FAM149B1: variants seen among roughly 807,000 people sequenced by gnomAD.
FAM149B1 encodes the protein family with sequence similarity 149 member B1, also known as primary cilium assembly protein FAM149B1.
Under a neutral mutation model 75.3 loss-of-function variants are expected in FAM149B1, and 56 were observed. The observed-to-expected ratio is 0.74, with a 90% CI of 0.60 to 0.93. FAM149B1 has a LOEUF of 0.93. Among genes scored for constraint, FAM149B1 ranks in the 40% least tolerant of loss-of-function variants. The pLI is 0.00. For missense variants in FAM149B1, 639 were observed against 708.4 expected, an observed-to-expected ratio of 0.90 and a Z score of 1.11; for synonymous variants, 259 against 256.1, an observed-to-expected ratio of 1.01 and a Z score of -0.11.
intron 7 of FAM149B1, among the ~76,000 whole-genome samples, chr10:73,220,282 A>G (rs575571950): frequency 6.2e-4 from 95 of 152,300 alleles, no homozygotes; most frequent in Non-Finnish European, 1.0e-3. Context: ...AAGTGTTAGT[A>G]AAGATACAGA....
intron 5 of FAM149B1, among the ~76,000 whole-genome samples, chr10:73,205,176 C>G (rs562934731): frequency 1.3e-5 from 2 of 151,724 alleles, no homozygotes; most frequent in East Asian, 3.9e-4. Flanking sequence ...TTGTCCTTGC[C>G]TAAATCTCAT....
At chr10:73,195,410 T>TA (rs147266643) in intron 5 of FAM149B1, among the ~76,000 whole-genome samples, 1 of 152,328 alleles carries the variant, frequency 6.6e-6, no homozygotes, top group African/African-American at 2.4e-5. Context: ...TCGATAAGTT[T>TA]ACTCCTTTTA....
chr10:73,206,326 G>A (rs1240932881), intron 5 of FAM149B1, among the ~76,000 whole-genome samples: 1 of 152,172 alleles, frequency 6.6e-6, no homozygotes, highest in South Asian at 2.1e-4. Context: ...TGGGAGCAAA[G>A]AAATGACTTA....
At chr10:73,198,541 ATG>A (rs2042858921) in intron 5 of FAM149B1, among the ~76,000 whole-genome samples, 1 of 152,200 alleles carries the variant, frequency 6.6e-6, no homozygotes, top group African/African-American at 2.4e-5. Context: ...GTGGTGGCTC[ATG>A]CCTGTAATCC....
intron 12 of FAM149B1, among the ~76,000 whole-genome samples, chr10:73,236,729 T>TC (rs1019128268): frequency 1.3e-5 from 2 of 150,332 alleles, no homozygotes; most frequent in African/African-American, 4.9e-5. Context: ...TCTTTTCTTT[T>TC]TTTTTTTTTT....
intron 7 of FAM149B1, among the ~76,000 whole-genome samples, chr10:73,215,900 G>A (rs146909956): frequency 5.9e-4 from 90 of 152,298 alleles, no homozygotes; most frequent in Middle Eastern, 3.4e-3. Flanking sequence ...TGAGTAGACC[G>A]TTCTGTAAAT....
intron 3 of FAM149B1, among the ~76,000 whole-genome samples, chr10:73,186,189 T>C (rs986918226): frequency 6.6e-6 from 1 of 151,988 alleles, no homozygotes; most frequent in African/African-American, 2.4e-5. Flanking sequence ...GAAAAACAAC[T>C]AATTTAATAC....
chr10:73,229,384 G>C (rs1168751639), intron 8 of FAM149B1, among the ~76,000 whole-genome samples: 2 of 152,170 alleles, frequency 1.3e-5, no homozygotes, highest in Non-Finnish European at 2.9e-5. Context: ...AGACCAGCCT[G>C]GCCAATTTGG....
At chr10:73,206,390 G>T (rs2043056296) in intron 5 of FAM149B1, among the ~76,000 whole-genome samples, 2 of 152,198 alleles carry the variant, frequency 1.3e-5, no homozygotes, top group South Asian at 2.1e-4. Context: ...TGGAAAATTT[G>T]CAGCCTAGCC....
Position 73,192,610 on chromosome 10 carries a change from G to A in FAM149B1, c.337G>A (p.Glu113Lys). The A allele has an allele frequency of 6.4e-7, 1 of 1,551,940 alleles. No individual in the cohort carries two copies. Among genetic ancestry groups the A allele is most frequent in the South Asian group, 1.2e-5 (1 of 83,994 alleles). ...CCAGACAATGTTCACAGCCATTGAT[G>A]AACTCTTGTATGAGCAGAAGTTGAG... ...KVQTMFTAID[E>K]LLYEQKLSVH... Residue 113 changes from glutamate (E) to lysine (K), a missense_variant, in exon 4 of 14, where the codon GAA becomes AAA. Glu to Lys is a moderately conservative substitution (Grantham distance 56). Transcript: ENST00000242505.
rs539873337 is a variant in FAM149B1 at position 73,240,851 on chromosome 10, A to C, written c.1676-95A>C. 69 of 743,318 alleles carry C rather than the reference A, an allele frequency of 9.3e-5. No homozygotes were observed. The African/African-American group carries it at 1.1e-3, about 12-fold the overall frequency. 46.0% of individuals were successfully genotyped at this position (743,318 alleles called of 1,614,324 possible). A position where few individuals can be genotyped will look rare whatever the true frequency, so the allele number is the denominator to read the frequency against. ...TGCTTTCATACCTTAAGAAAGTCCAATTCATAATTGGAGCAAAAAAGCCCT... is the reference window on the plus strand; with the variant it reads ...TGCTTTCATACCTTAAGAAAGTCCACTTCATAATTGGAGCAAAAAAGCCCT... On this transcript the variant is annotated intron_variant, in intron 13 of 13. Transcript: ENST00000242505.
At chr10:73,193,204 T>C (rs151276290) in intron 4 of FAM149B1, among the ~76,000 whole-genome samples, 20 of 152,352 alleles carry the variant, frequency 1.3e-4, no homozygotes, top group African/African-American at 4.3e-4. Context: ...AGGACTATTA[T>C]AGAGCATGAA....
chr10:73,238,751 C>G (rs2043879809), intron 12 of FAM149B1: 2 of 152,186 alleles, frequency 1.3e-5, no homozygotes, highest in Admixed American at 6.5e-5. Flanking sequence ...TGTTTTTATT[C>G]CAGAAGCCCC....
At chr10:73,218,844 TC>T (rs1218101783) in intron 7 of FAM149B1, among the ~76,000 whole-genome samples, 1 of 152,178 alleles carries the variant, frequency 6.6e-6, no homozygotes, top group African/African-American at 2.4e-5. Flanking sequence ...TGAACAGTTT[TC>T]CCCTCAATTT....
At chr10:73,185,017 A>G (rs575575569) in intron 3 of FAM149B1, among the ~76,000 whole-genome samples, 7,742 of 152,236 alleles carry the variant, frequency 0.051, 608 homozygotes, top group African/African-American at 0.17. Context: ...GAAAGAAGAG[A>G]GATTGACATG....
intron 2 of FAM149B1, among the ~76,000 whole-genome samples, chr10:73,176,199 C>T (rs1013744852): frequency 2.6e-5 from 4 of 152,026 alleles, no homozygotes; most frequent in African/African-American, 4.8e-5. Context: ...CCCTTGCATG[C>T]GCAGTTTGTG....
chr10:73,231,503 C>T (rs780579873), intron 9 of FAM149B1, among the ~76,000 whole-genome samples: 2 of 152,076 alleles, frequency 1.3e-5, no homozygotes, highest in African/African-American at 4.8e-5. Context: ...TCTGAAAGAT[C>T]GATTTCACCA....
In FAM149B1 at chr10:73,168,944, A is replaced by C. The variant is rs1421618069; in HGVS notation, c.47+558A>C. 2.6e-5 allele frequency: 4 copies of C among 152,328 alleles called. 1 individual carries two copies. The allele number at this position is 152,328 out of a possible 1,614,324, so 9.4% of individuals were successfully genotyped here. On this transcript the variant is annotated intron_variant, in intron 1 of 13. Transcript: ENST00000242505. The stretch of plus-strand genomic sequence containing the variant: ...ACACATACTGCCTCCCCACCTCTGC[A>C]ATTAAGCACCAGAATCCATAAAGAT...
chr10:73,181,029 C>A (rs1313280320), intron 3 of FAM149B1, among the ~76,000 whole-genome samples: 7 of 144,764 alleles, frequency 4.8e-5, no homozygotes, highest in African/African-American at 1.8e-4. Context: ...TTTTTTGAGA[C>A]GGAGTGTCGC....
Sources: allele counts gnomAD v4.1 joint callset (sites outside exome capture counted in the v4.1 genomes callset), GRCh38; gene constraint gnomAD v4.1.1; transcripts MANE v1.5; gene names NCBI Gene and HGNC (gene_info 2026-07-23, HGNC 2026-07-21).